The following CCDC7 variants were observed in gnomAD, a reference collection of about 807,000 sequenced individuals.
CCDC7 encodes coiled-coil domain containing 7, also known as coiled-coil domain-containing protein 7.
Under a neutral mutation model 196.9 loss-of-function variants are expected in CCDC7, and 183 were observed. The observed-to-expected ratio is 0.93, with a 90% CI of 0.82 to 1.05. CCDC7 has a LOEUF of 1.05. CCDC7 is among the 50% of genes least tolerant of loss of function. CCDC7 has a pLI of 0.00. For missense variants in CCDC7, 1,540 were observed against 1,482.2 expected, an observed-to-expected ratio of 1.04 and a Z score of -0.64; for synonymous variants, 525 against 484.6, an observed-to-expected ratio of 1.08 and a Z score of -1.10.
chr10:32,681,069 C>T lies in CCDC7; in HGVS notation c.2123-4901C>T, dbSNP rs139590255. On this transcript the variant is annotated intron_variant, in intron 21 of 41. Coordinates refer to ENST00000639629, the Ensembl canonical transcript of CCDC7. ...CCATCAGTCTCCACCTTTGAGATTCCGTTTTCATTAACAAAAGATCTCTTC... is the reference window on the plus strand; with the variant it reads ...CCATCAGTCTCCACCTTTGAGATTCTGTTTTCATTAACAAAAGATCTCTTC... 4.8e-3 allele frequency among the ~76,000 whole-genome samples: 730 copies of T among 152,282 alleles called. 9 individuals carry two copies. Among genetic ancestry groups the T allele is most frequent in the African/African-American group, 0.017 (696 of 41,568 alleles).
chr10:32,473,873 T>C, intron 7 of CCDC7, 94 bp from the exon 9 acceptor site: 1 of 1,176,184 alleles, frequency 8.5e-7, no homozygotes, highest in Admixed American at 3.2e-5. Flanking sequence ...TTCTTCTGAA[T>C]AAGTTACTAA....
chr10:32,694,884 G>C, exon 24 of CCDC7: 1 of 1,588,160 alleles, frequency 6.3e-7, no homozygotes, highest in Non-Finnish European at 8.6e-7. Context: ...TGTAGCTCAT[G>C]ATGAAGAACC....
At chr10:32,702,356 C>T (rs2078906247) in intron 24 of CCDC7, among the ~76,000 whole-genome samples, 1 of 152,106 alleles carries the variant, frequency 6.6e-6, no homozygotes, top group African/African-American at 2.4e-5. Context: ...ATCCTGAGTT[C>T]TAGTTTGATT....
At chr10:32,829,892 G>A (rs1418705508) in intron 32 of CCDC7, among the ~76,000 whole-genome samples, 1 of 151,346 alleles carries the variant, frequency 6.6e-6, no homozygotes, top group African/African-American at 2.4e-5. Context: ...TATAAAGCAG[G>A]CAGAAAAACG....
At chr10:32,876,530 C>T (rs2094600817), downstream of CCDC7, 4 of 817,014 alleles carry the variant, frequency 4.9e-6, no homozygotes, top group East Asian at 1.1e-4. Flanking sequence ...GCTGGAAATA[C>T]AGTGGATCAA....
intron 18 of CCDC7, among the ~76,000 whole-genome samples, chr10:32,612,744 C>A (rs963707175): frequency 6.6e-6 from 1 of 152,054 alleles, no homozygotes; most frequent in Non-Finnish European, 1.5e-5. Flanking sequence ...GTTGAACCAG[C>A]CTTGTGTCCC....
intron 25 of CCDC7, among the ~76,000 whole-genome samples, chr10:32,714,234 G>T (rs1405708011): frequency 6.6e-6 from 1 of 152,174 alleles, no homozygotes; most frequent in Non-Finnish European, 1.5e-5. Context: ...TAGAAAGTGG[G>T]TGCAGCTCAA....
intron 29 of CCDC7, among the ~76,000 whole-genome samples, chr10:32,786,916 A>G (rs956778066): frequency 2.5e-4 from 38 of 152,218 alleles, no homozygotes; most frequent in African/African-American, 9.2e-4. Flanking sequence ...GTTGAAAAGT[A>G]TAATAGTTGA....
intron 20 of CCDC7, among the ~76,000 whole-genome samples, chr10:32,637,862 G>A (rs2065938690): frequency 6.6e-6 from 1 of 152,178 alleles, no homozygotes; most frequent in Admixed American, 6.5e-5. Context: ...CTTCCCATGA[G>A]CATGGAATGT....
At chr10:32,720,275 A>G (rs1287030839) in intron 25 of CCDC7, among the ~76,000 whole-genome samples, 1 of 152,148 alleles carries the variant, frequency 6.6e-6, no homozygotes, top group East Asian at 1.9e-4. Context: ...CATCATTCTC[A>G]GCAAACTAAC....
chr10:32,782,239 G>GT (rs1362607850), intron 29 of CCDC7, among the ~76,000 whole-genome samples: 7 of 144,446 alleles, frequency 4.8e-5, no homozygotes, highest in African/African-American at 1.5e-4. Flanking sequence ...GTTTTTTTTG[G>GT]TTTTTTTTTG....
At chr10:32,462,635 G>A in intron 3 of CCDC7, 48 bp from the exon 5 acceptor site, 1 of 1,320,134 alleles carries the variant, frequency 7.6e-7, no homozygotes, top group Non-Finnish European at 1.0e-6. Flanking sequence ...ATTATACATT[G>A]TGAAGCATTC....
intron 20 of CCDC7, among the ~76,000 whole-genome samples, chr10:32,645,729 T>A (rs2067656601): frequency 6.6e-6 from 1 of 152,026 alleles, no homozygotes; most frequent in Admixed American, 6.5e-5. Flanking sequence ...ATTATTGGTG[T>A]GTTGAGATTT....
rs140759129 is a variant in CCDC7 at position 32,667,769 on chromosome 10, C to T, written c.2122+3608C>T. Among the ~76,000 whole-genome samples, 1,223 of 152,148 alleles carry T rather than the reference C, an allele frequency of 8.0e-3. 10 individuals are homozygous for T. Among genetic ancestry groups the T allele is most frequent in the East Asian group, 0.014 (73 of 5,174 alleles). On this transcript the variant is annotated intron_variant, in intron 21 of 41. Coordinates refer to ENST00000639629, the Ensembl canonical transcript of CCDC7. The stretch of plus-strand genomic sequence containing the variant: ...CAGCACCATGCTCTTTTGGTTACTG[C>T]AGCCTTGTAGTATAGTTTGAAGTCA...
intron 18 of CCDC7, among the ~76,000 whole-genome samples, chr10:32,609,403 T>A (rs1309224948): frequency 6.6e-6 from 1 of 152,246 alleles, no homozygotes; most frequent in African/African-American, 2.4e-5. Context: ...AGAGTCTTTT[T>A]TATCTGATAT....
Position 32,814,364 on chromosome 10 carries a change from C to A in CCDC7, c.3098-6C>A. Reference sequence around the variant, plus strand: ...ACAGTGTTTTGATACCTGTTTATTTCTATAGGGCCTGATATAGAACAATTG... The same window carrying A: ...ACAGTGTTTTGATACCTGTTTATTTATATAGGGCCTGATATAGAACAATTG... On this transcript the variant is annotated splice_region_variant and splice_polypyrimidine_tract_variant and intron_variant, in intron 30 of 41. Transcript: ENST00000639629. 6.3e-7 allele frequency: 1 copy of A among 1,583,780 alleles called. No homozygotes were observed. Among genetic ancestry groups the A allele is most frequent in the Non-Finnish European group, 8.7e-7 (1 of 1,153,406 alleles).
At chr10:32,506,496 G>A (rs1284362851) in intron 9 of CCDC7, among the ~76,000 whole-genome samples, 2 of 152,264 alleles carry the variant, frequency 1.3e-5, no homozygotes, top group African/African-American at 4.8e-5. Flanking sequence ...GGGAGGCCAA[G>A]GCAGGTGGCT....
chr10:32,745,546 T>G (rs1251889049), intron 28 of CCDC7, among the ~76,000 whole-genome samples: 1 of 151,946 alleles, frequency 6.6e-6, no homozygotes, highest in Admixed American at 6.6e-5. Context: ...GAATGAGAAC[T>G]CACTGATTAT....
rs551541914 is a variant in CCDC7 at position 32,728,028 on chromosome 10, T to C, written c.2669-859T>C. On this transcript the variant is annotated intron_variant, in intron 26 of 41. Transcript: ENST00000639629. Reference sequence around the variant, plus strand: ...GTTCATCATGGGTATGCCCAAGCGATCAGAGCCCAAGCAATCACTAAGCTG... The same window carrying C: ...GTTCATCATGGGTATGCCCAAGCGACCAGAGCCCAAGCAATCACTAAGCTG... Among the ~76,000 whole-genome samples the C allele has an allele frequency of 5.9e-5, 9 of 152,252 alleles. No individual in the cohort carries two copies. In the South Asian group the frequency reaches 1.7e-3, roughly 28 times the overall value.
Sources: allele counts gnomAD v4.1 joint callset (sites outside exome capture counted in the v4.1 genomes callset), GRCh38; gene constraint gnomAD v4.1.1; transcripts MANE v1.5; gene names NCBI Gene and HGNC (gene_info 2026-07-23, HGNC 2026-07-21).